CTNNA3: variants seen among roughly 807,000 people sequenced by gnomAD.
The protein encoded by CTNNA3 is catenin alpha-3.
CTNNA3 carries 76 observed loss-of-function variants against 95.7 expected under a neutral mutation model. That is an observed-to-expected ratio of 0.79 (90% CI 0.66 to 0.96). CTNNA3 has a LOEUF of 0.96. CTNNA3 is among the 40% of genes least tolerant of loss of function. The pLI is 0.00. For missense variants in CTNNA3, 1,191 were observed against 1,089.8 expected, an observed-to-expected ratio of 1.09 and a Z score of -1.31; for synonymous variants, 431 against 374.4, an observed-to-expected ratio of 1.15 and a Z score of -1.74.
At chr10:67,434,870 A>G (rs1020832372) in intron 5 of CTNNA3, among the ~76,000 whole-genome samples, 1 of 151,978 alleles carries the variant, frequency 6.6e-6, no homozygotes, top group African/African-American at 2.4e-5. Context: ...TGAAAGTATT[A>G]CTGTTTCATA....
chr10:67,602,817 G>A (rs1843128878), intron 3 of CTNNA3, among the ~76,000 whole-genome samples: 1 of 152,142 alleles, frequency 6.6e-6, no homozygotes, highest in Non-Finnish European at 1.5e-5. Flanking sequence ...ACAATGTCAG[G>A]ATAGGGCTCA....
chr10:66,522,255 A>G (rs1292128840), intron 10 of CTNNA3, among the ~76,000 whole-genome samples: 1 of 152,096 alleles, frequency 6.6e-6, no homozygotes, highest in Non-Finnish European at 1.5e-5. Context: ...CAGTGATTTC[A>G]TCATTCTTCC....
At chr10:66,809,930 G>T (rs1008475789) in intron 7 of CTNNA3, among the ~76,000 whole-genome samples, 3 of 151,692 alleles carry the variant, frequency 2.0e-5, no homozygotes, top group Non-Finnish European at 4.4e-5. Context: ...TCAGCCTCAT[G>T]AGTAGCTGGG....
intron 7 of CTNNA3, among the ~76,000 whole-genome samples, chr10:66,833,846 T>C (rs1027380005): frequency 6.6e-6 from 1 of 152,154 alleles, no homozygotes; most frequent in African/African-American, 2.4e-5. Flanking sequence ...ACGAATCCTG[T>C]TTCAAGTATT....
At position 67,647,475 on chromosome 10, in the gene CTNNA3, AG is replaced by A. The variant is rs1169564335; in HGVS notation, c.38del (p.Pro13LeufsTer19). ...AETPITLNIDPQDLQVQTFTV... is the reference protein window; with the variant it reads ...AETPITLNIDXQDLQVQTFTV... ...TGAATGTTTGGACCTGCAGATCCTG[AG>A]GATCGATATTCAATGTGATTGGTGT... On this transcript the variant is annotated frameshift_variant, in exon 2 of 18. Transcript: ENST00000433211. LOFTEE classifies it high-confidence loss of function. The A allele has an allele frequency of 2.5e-6, 4 of 1,613,370 alleles. No homozygotes were observed. The African/African-American group carries it at 4.0e-5, about 16-fold the overall frequency.
intron 15 of CTNNA3, among the ~76,000 whole-genome samples, chr10:66,043,153 AAGAG>A (rs1160878030): frequency 3.0e-5 from 4 of 132,286 alleles, no homozygotes; most frequent in African/African-American, 1.1e-4. Context: ...AAAAAAAAAA[AAGAG>A]AGAGAGAGAA....
intron 9 of CTNNA3, among the ~76,000 whole-genome samples, chr10:66,723,287 G>A (rs1262301102): frequency 6.6e-6 from 1 of 152,122 alleles, no homozygotes; most frequent in Non-Finnish European, 1.5e-5. Context: ...TTGAAATGTT[G>A]TTGAAGTATT....
chr10:67,705,793 A>AT (rs963014716), intron 1 of CTNNA3, among the ~76,000 whole-genome samples: 12 of 151,696 alleles, frequency 7.9e-5, no homozygotes, highest in Non-Finnish European at 1.2e-4. Flanking sequence ...ATAAAAAAAA[A>AT]AAAGAAAGAA....
intron 16 of CTNNA3, among the ~76,000 whole-genome samples, chr10:65,973,662 T>G (rs1222697195): frequency 6.6e-6 from 1 of 152,106 alleles, no homozygotes; most frequent in African/African-American, 2.4e-5. Flanking sequence ...CCACTTGGCT[T>G]TGGGGTGGGG....
intron 11 of CTNNA3, among the ~76,000 whole-genome samples, chr10:66,511,987 A>G (rs10997207): frequency 0.18 from 28,054 of 151,794 alleles, 2,847 homozygotes; most frequent in African/African-American, 0.27. Flanking sequence ...CTCAACTATT[A>G]TTACATTGGT....
intron 11 of CTNNA3, among the ~76,000 whole-genome samples, chr10:66,462,981 G>A (rs1475034981): frequency 1.3e-5 from 2 of 152,050 alleles, no homozygotes; most frequent in African/African-American, 4.8e-5. Flanking sequence ...CATTCTTGGA[G>A]GAGGAATGAA....
chr10:66,326,575 T>C (rs1374295109), intron 12 of CTNNA3, among the ~76,000 whole-genome samples: 1 of 152,006 alleles, frequency 6.6e-6, no homozygotes, highest in African/African-American at 2.4e-5. Context: ...CAATGAAGGG[T>C]AAAATATATA....
chr10:66,165,526 T>C (rs1034008360), intron 13 of CTNNA3, among the ~76,000 whole-genome samples: 4 of 151,974 alleles, frequency 2.6e-5, no homozygotes, highest in Admixed American at 2.6e-4. Context: ...TAAATATTTA[T>C]ATGGTGTTGG....
chr10:66,939,173 T>G (rs1244710051), intron 7 of CTNNA3, among the ~76,000 whole-genome samples: 2 of 152,186 alleles, frequency 1.3e-5, no homozygotes, highest in African/African-American at 4.8e-5. Context: ...AATGCTCATC[T>G]TTTTTACCTC....
chr10:65,926,297 T>C (rs966805795), intron 17 of CTNNA3, among the ~76,000 whole-genome samples: 2 of 151,908 alleles, frequency 1.3e-5, no homozygotes, highest in Non-Finnish European at 2.9e-5. Flanking sequence ...TAGGAACTTA[T>C]GAATATTCTA....
At chr10:67,654,262 C>A (rs1229008766) in intron 1 of CTNNA3, among the ~76,000 whole-genome samples, 1 of 152,170 alleles carries the variant, frequency 6.6e-6, no homozygotes, top group Non-Finnish European at 1.5e-5. Flanking sequence ...GTAGAGCCTA[C>A]TTTAGCAGCC....
At chr10:67,672,972 T>C (rs1184285697) in intron 1 of CTNNA3, among the ~76,000 whole-genome samples, 3 of 151,824 alleles carry the variant, frequency 2.0e-5, no homozygotes, top group Non-Finnish European at 4.4e-5. Flanking sequence ...TTTCACGATA[T>C]TGATTCTTCC....
chr10:67,063,286 T>A (rs964507024), intron 7 of CTNNA3, among the ~76,000 whole-genome samples: 7 of 152,180 alleles, frequency 4.6e-5, no homozygotes, highest in African/African-American at 9.7e-5. Context: ...ATGTATTAGT[T>A]CACATTTGTT....
At chr10:66,396,800 C>A (rs537168483) in intron 11 of CTNNA3, among the ~76,000 whole-genome samples, 1 of 151,946 alleles carries the variant, frequency 6.6e-6, no homozygotes, top group South Asian at 2.1e-4. Flanking sequence ...CATAAGTTTA[C>A]AGATTCATGT....
Sources: gnomAD v4.1 joint callset for allele counts (sites outside exome capture counted in the v4.1 genomes callset) on GRCh38, gnomAD v4.1.1 for gene constraint, MANE v1.5 for transcripts, NCBI Gene and HGNC (gene_info 2026-07-23, HGNC 2026-07-21) for gene names.